The following TNFRSF10D variants were observed in gnomAD, a reference collection of about 807,000 sequenced individuals.
TNFRSF10D encodes the protein tumor necrosis factor receptor superfamily member 10D.
In TNFRSF10D, 28 loss-of-function variants were observed where a neutral mutation model predicts 42.1. The ratio of observed to expected loss-of-function variants is 0.66; its 90% CI spans 0.49 to 0.91. TNFRSF10D has a LOEUF of 0.91. TNFRSF10D is among the 40% of genes least tolerant of loss of function. The pLI is 0.00. For synonymous variants in TNFRSF10D, 186 were observed against 189.4 expected (o/e 0.98, Z 0.15); for missense variants, 503 against 486.1 (o/e 1.03, Z -0.33).
chr8:23,144,137 C>T (rs1008285937), intron 7 of TNFRSF10D, among the ~76,000 whole-genome samples: 2 of 152,250 alleles, frequency 1.3e-5, no homozygotes, highest in Non-Finnish European at 2.9e-5. Flanking sequence ...TCCCTGACTT[C>T]TGTTAGGAGC....
intron 1 of TNFRSF10D, among the ~76,000 whole-genome samples, chr8:23,157,587 G>T (rs1038236641): frequency 6.6e-6 from 1 of 152,132 alleles, no homozygotes; most frequent in Non-Finnish European, 1.5e-5. Flanking sequence ...CAGATCGCTT[G>T]CCACTTTACC....
At chr8:23,162,052 A>G (rs1444894080) in intron 1 of TNFRSF10D, among the ~76,000 whole-genome samples, 2 of 152,090 alleles carry the variant, frequency 1.3e-5, no homozygotes, top group Non-Finnish European at 2.9e-5. Flanking sequence ...GCAACAGTGA[A>G]TTAACCTGTG....
rs1018615695 is a variant in TNFRSF10D at position 23,151,811 on chromosome 8, CA to C, written c.256+3062del. On this transcript the variant is annotated intron_variant, in intron 2 of 8. Transcript: ENST00000312584. ...TGAAAAATCCCATTTATAATAGCTACAAAAAAAATGCTTAGGAATAAATTTA... is the reference window on the plus strand; with the variant it reads ...TGAAAAATCCCATTTATAATAGCTACAAAAAAATGCTTAGGAATAAATTTA... Among the ~76,000 whole-genome samples, 11 of 151,908 alleles carry C rather than the reference CA, an allele frequency of 7.2e-5. No individual in the cohort carries two copies. The South Asian group carries it at 8.3e-4, about 12-fold the overall frequency.
chr8:23,157,636 C>T (rs1170221867), intron 1 of TNFRSF10D, among the ~76,000 whole-genome samples: 1 of 152,196 alleles, frequency 6.6e-6, no homozygotes, highest in Admixed American at 6.5e-5. Flanking sequence ...TACAGAGAAA[C>T]AGCTGATTTA....
intron 1 of TNFRSF10D, among the ~76,000 whole-genome samples, chr8:23,161,941 C>T (rs552962042): frequency 2.8e-4 from 43 of 152,294 alleles, no homozygotes; most frequent in Non-Finnish European, 4.9e-4. Flanking sequence ...ACACACGATA[C>T]ATACAAGGGT....
chr8:23,144,776 A>G (rs188767173), intron 6 of TNFRSF10D, 141 bp from the exon 7 acceptor site: 4 of 1,095,670 alleles, frequency 3.7e-6, no homozygotes, highest in Non-Finnish European at 5.2e-6. Context: ...CCAGGACCCC[A>G]TGCTGAGGTG....
intron 7 of TNFRSF10D, among the ~76,000 whole-genome samples, chr8:23,140,977 C>T (rs114203926): frequency 6.6e-6 from 1 of 152,162 alleles, no homozygotes; most frequent in Non-Finnish European, 1.5e-5. Flanking sequence ...ATATGCAGAA[C>T]AACGAAAACT....
chr8:23,136,697 G>A lies in TNFRSF10D; in HGVS notation c.*1173C>T, dbSNP rs1297549785. 1 of 152,168 alleles carries A rather than the reference G, an allele frequency of 6.6e-6. No individual in the cohort carries two copies. The highest frequency in any genetic ancestry group is 2.4e-5 in the African/African-American group (1 of 41,412). The allele number at this position is 152,168 out of a possible 1,614,324, so 9.4% of individuals were successfully genotyped here. On this transcript the variant is annotated 3_prime_UTR_variant, in exon 9 of 9. Transcript: ENST00000312584. ...GACAAGTCGGAAGATGCAGTCCCAT[G>A]ACTGTCCCAGCACGACAAACCAGAC...
At chr8:23,149,710 T>G (rs1800190700) in intron 2 of TNFRSF10D, among the ~76,000 whole-genome samples, 1 of 152,036 alleles carries the variant, frequency 6.6e-6, no homozygotes, top group Non-Finnish European at 1.5e-5. Flanking sequence ...GGACTGTCAT[T>G]CCTAGGGAGG....
chr8:23,150,550 A>G (rs1800200547), intron 2 of TNFRSF10D, among the ~76,000 whole-genome samples: 1 of 152,196 alleles, frequency 6.6e-6, no homozygotes, highest in South Asian at 2.1e-4. Context: ...CAAGTAACCA[A>G]CCCGAAAGGA....
intron 2 of TNFRSF10D, among the ~76,000 whole-genome samples, chr8:23,149,056 G>A (rs894584558): frequency 7.3e-5 from 11 of 150,930 alleles, no homozygotes; most frequent in African/African-American, 7.3e-5. Context: ...CGGGCGTGGT[G>A]GCAGGCACCT....
chr8:23,148,223 G>C (rs911966579), intron 3 of TNFRSF10D, among the ~76,000 whole-genome samples: 3 of 151,098 alleles, frequency 2.0e-5, no homozygotes, highest in Non-Finnish European at 4.4e-5. Flanking sequence ...TCAGCAACAA[G>C]AGTGAAACTG....
At chr8:23,142,570 G>A (rs888405750) in intron 7 of TNFRSF10D, among the ~76,000 whole-genome samples, 6 of 152,124 alleles carry the variant, frequency 3.9e-5, no homozygotes, top group African/African-American at 1.4e-4. Flanking sequence ...CATAAAGATG[G>A]CAACAATAGA....
chr8:23,163,952 G>A lies in TNFRSF10D; in HGVS notation c.-17C>T. 2.6e-6 allele frequency: 4 copies of A among 1,535,686 alleles called. No individual in the cohort carries two copies. The highest frequency in any genetic ancestry group is 2.3e-5 in the Admixed American group (1 of 43,508). On this transcript the variant is annotated 5_prime_UTR_variant, in exon 1 of 9. Transcript: ENST00000312584. ...AAGTCCCATGAGAAGGGAGGAGGGT[G>A]GATCGAAAGCGCCAAAAATCAATCA...
intron 1 of TNFRSF10D, among the ~76,000 whole-genome samples, chr8:23,162,473 C>T (rs971390891): frequency 5.3e-5 from 8 of 152,098 alleles, no homozygotes; most frequent in African/African-American, 1.9e-4. Context: ...AACATGGAGA[C>T]TCTCATGGTT....
At chr8:23,139,953 G>A (rs1000967911) in intron 7 of TNFRSF10D, among the ~76,000 whole-genome samples, 8 of 152,070 alleles carry the variant, frequency 5.3e-5, no homozygotes, top group African/African-American at 1.7e-4. Flanking sequence ...AGACCAGCAC[G>A]ACCAACATGG....
intron 2 of TNFRSF10D, among the ~76,000 whole-genome samples, chr8:23,148,759 T>G (rs940920365): frequency 1.3e-5 from 2 of 151,664 alleles, no homozygotes; most frequent in African/African-American, 4.9e-5. Context: ...ACAAATCACA[T>G]GCAAAATTCA....
intron 2 of TNFRSF10D, among the ~76,000 whole-genome samples, chr8:23,154,293 T>C (rs777312917): frequency 6.6e-6 from 1 of 152,198 alleles, no homozygotes; most frequent in Non-Finnish European, 1.5e-5. Context: ...AAGAGATGTA[T>C]TGTGTGACAT....
chr8:23,137,823 G>A lies in TNFRSF10D; in HGVS notation c.*47C>T. The A allele has an allele frequency of 3.2e-6, 5 of 1,583,788 alleles. No individual in the cohort carries two copies. In the Admixed American group the frequency reaches 5.5e-5, roughly 17 times the overall value. On this transcript the variant is annotated 3_prime_UTR_variant, in exon 9 of 9. Coordinates refer to ENST00000312584, the MANE Select transcript of TNFRSF10D (RefSeq NM_003840.5). The stretch of plus-strand genomic sequence containing the variant: ...TTCTTCCAGGCTGCTTCCCTTTGTA[G>A]GAGAAAAGGTAAATGAGGGAAGCTC...
Sources: allele counts gnomAD v4.1 joint callset (sites outside exome capture counted in the v4.1 genomes callset), GRCh38; gene constraint gnomAD v4.1.1; transcripts MANE v1.5; gene names NCBI Gene and HGNC (gene_info 2026-07-23, HGNC 2026-07-21).